NPHP4: variants seen among roughly 807,000 people sequenced by gnomAD.
NPHP4 encodes nephrocystin-4.
A neutral mutation model predicts 155.8 loss-of-function variants in NPHP4; 151 were observed. That is an observed-to-expected ratio of 0.97 (90% confidence interval 0.85 to 1.11). NPHP4 has a LOEUF of 1.11. Ranked by LOEUF, NPHP4 falls within the 50% of genes least tolerant of loss-of-function variation. The pLI is 0.00. For missense variants in NPHP4, 1,956 were observed against 1,925.7 expected (o/e 1.02, Z -0.29); for synonymous variants, 845 against 816.8 (o/e 1.03, Z -0.59).
intron 19 of NPHP4, chr1:5,879,683 C>T (rs1390950109): frequency 2.4e-5 from 12 of 497,344 alleles, no homozygotes; most frequent in Admixed American, 8.4e-5. Flanking sequence ...GCCTGTGGGT[C>T]CACAGGGGCA....
intron 3 of NPHP4, among the ~76,000 whole-genome samples, chr1:5,971,987 G>A (rs1318979210): frequency 1.3e-5 from 2 of 152,192 alleles, no homozygotes; most frequent in South Asian, 2.1e-4. Context: ...TCAAAAACAC[G>A]GACACCATTT....
chr1:5,882,357 T>C lies in NPHP4; in HGVS notation c.2486-2118A>G, dbSNP rs1162002465. ...ACCCAGCCATCTCTCAGTGACGCGCTTACCCAGCCATCTCTCAGTGGTGCG... is the reference window on the plus strand; with the variant it reads ...ACCCAGCCATCTCTCAGTGACGCGCCTACCCAGCCATCTCTCAGTGGTGCG... On this transcript the variant is annotated intron_variant, in intron 18 of 29. Coordinates refer to ENST00000378156, the MANE Select transcript of NPHP4 (RefSeq NM_015102.5). The surrounding 1 kb of genome is among the most constrained non-coding windows in gnomAD (Gnocchi z 5.1). The C allele has an allele frequency of 6.6e-6, 1 of 152,192 alleles. No individual in the cohort carries two copies. Among genetic ancestry groups the C allele is most frequent in the African/African-American group, 2.4e-5 (1 of 41,326 alleles). The allele number at this position is 152,192 out of a possible 1,614,324, so 9.4% of individuals were successfully genotyped here.
chr1:5,896,536 T>C (rs1001847472), intron 16 of NPHP4, among the ~76,000 whole-genome samples: 1 of 152,142 alleles, frequency 6.6e-6, no homozygotes, highest in African/African-American at 2.4e-5. Context: ...TTAGGCAAGA[T>C]AAATAAGTAA....
chr1:5,977,640 G>A (rs1273410702), intron 3 of NPHP4, among the ~76,000 whole-genome samples: 2 of 151,094 alleles, frequency 1.3e-5, no homozygotes, highest in East Asian at 4.2e-4. Flanking sequence ...TGGAATGTAT[G>A]CTGTGCAGTG....
chr1:5,947,557 G>A (rs572883150), intron 8 of NPHP4, among the ~76,000 whole-genome samples: 21 of 152,152 alleles, frequency 1.4e-4, no homozygotes, highest in Admixed American at 3.3e-4. Context: ...GGCCTGATAC[G>A]GCCAAGTTAC....
chr1:5,961,842 A>T lies in NPHP4; in HGVS notation c.625T>A (p.Ser209Thr), dbSNP rs776658669. ...FHLLPENLLV[S>T]GLQQIPGLLP... Reference sequence around the variant, plus strand: ...AGGCCAGGTATCTGCTGCAGACCAGACACCAGAAGGTTCTCAGGAAGAAGG... The same window carrying T: ...AGGCCAGGTATCTGCTGCAGACCAGTCACCAGAAGGTTCTCAGGAAGAAGG... Residue 209 changes from serine (S) to threonine (T), a missense_variant, in exon 6 of 30, where the codon TCT (serine) becomes ACT (threonine). Physicochemically the swap from Ser to Thr is moderately conservative, Grantham distance 58. Coordinates refer to ENST00000378156, the MANE Select transcript of NPHP4 (RefSeq NM_015102.5). 4 of 1,613,728 alleles carry T rather than the reference A, an allele frequency of 2.5e-6. No individual in the cohort carries two copies. The East Asian group carries it at 8.9e-5, about 36-fold the overall frequency.
intron 2 of NPHP4, among the ~76,000 whole-genome samples, chr1:5,984,562 G>A (rs1440862467): frequency 6.6e-6 from 1 of 152,018 alleles, no homozygotes; most frequent in African/African-American, 2.4e-5. Context: ...GGTACAGAAC[G>A]GAATACAGGA....
chr1:5,865,558 C>A, intron 26 of NPHP4: 1 of 368,642 alleles, frequency 2.7e-6, no homozygotes, highest in Non-Finnish European at 4.9e-6. Flanking sequence ...AACCACATGT[C>A]AAACAAATGA....
At chr1:5,934,245 C>T (rs796095310) in intron 9 of NPHP4, among the ~76,000 whole-genome samples, 7 of 152,166 alleles carry the variant, frequency 4.6e-5, no homozygotes, top group African/African-American at 1.7e-4. Flanking sequence ...ACCAGGAAGC[C>T]GATTAGCCAG....
intron 10 of NPHP4, among the ~76,000 whole-genome samples, chr1:5,928,917 A>C (rs1345377239): frequency 6.6e-6 from 1 of 152,220 alleles, no homozygotes; most frequent in Non-Finnish European, 1.5e-5. Flanking sequence ...TAAACATGTT[A>C]CGTCTCTCCA....
At chr1:5,978,232 G>A (rs371980759) in intron 3 of NPHP4, 38 bp downstream of exon 3, 225 of 1,582,536 alleles carry the variant, frequency 1.4e-4, no homozygotes, top group Middle Eastern at 1.0e-3. Flanking sequence ...CACACCCTCC[G>A]CCTTGGAGCA....
In NPHP4 at chr1:5,877,175, C is replaced by T. The variant is rs778343959; in HGVS notation, c.2735G>A (p.Arg912His). The change falls in exon 20 of 30, where the codon CGC becomes CAC. Residue 912 changes from arginine (R) to histidine (H), a missense_variant. Coordinates refer to ENST00000378156, the MANE Select transcript of NPHP4 (RefSeq NM_015102.5). The stretch of plus-strand genomic sequence containing the variant: ...CCTCATCCGCTCCAGCTTACGCCTG[C>T]GGGTGGCATCCGACTCGCGGCTGAC... ...QDVSRESDAT[R>H]RRKLERMRSV... 1.1e-5 allele frequency: 17 copies of T among 1,605,426 alleles called. No homozygotes were observed. Among genetic ancestry groups the T allele is most frequent in the Middle Eastern group, 1.7e-4 (1 of 6,028 alleles).
intron 16 of NPHP4, among the ~76,000 whole-genome samples, chr1:5,898,843 GCA>G (rs146386955): frequency 6.7e-5 from 10 of 149,350 alleles, no homozygotes; most frequent in Non-Finnish European, 9.0e-5. Flanking sequence ...ACCCACACAT[GCA>G]CACACACACA....
At chr1:5,964,036 A>G (rs1650877115) in intron 5 of NPHP4, among the ~76,000 whole-genome samples, 1 of 152,210 alleles carries the variant, frequency 6.6e-6, no homozygotes, top group Admixed American at 6.5e-5. Context: ...AGGTCTATTC[A>G]ATCAATCATG....
Position 5,935,914 on chromosome 1 carries a change from A to C in NPHP4, c.1120-2585T>G, listed in dbSNP as rs144450827. On this transcript the variant is annotated intron_variant, in intron 9 of 29. Coordinates refer to ENST00000378156, the MANE Select transcript of NPHP4 (RefSeq NM_015102.5). ...CAAATTACTATAAATGTATTAGGAA[A>C]ACTTGTCACTATAAGGATTCAACAA... 4.5e-3 allele frequency among the ~76,000 whole-genome samples: 689 copies of C among 152,286 alleles called. 4 individuals are homozygous for C. The highest frequency in any genetic ancestry group is 5.2e-3 in the Non-Finnish European group (353 of 68,024).
At chr1:5,888,329 C>T (rs1459156630) in intron 17 of NPHP4, 8 of 1,058,742 alleles carry the variant, frequency 7.6e-6, no homozygotes, top group Non-Finnish European at 9.2e-6. Flanking sequence ...CACTCTTCCC[C>T]CGTGCCCTCT....
In NPHP4 at chr1:5,948,181, C is replaced by A. The variant is rs751708185; in HGVS notation, c.881G>T (p.Gly294Val). ...CTGCGGCCTCTGCACGAAGCCCAGACCATTGTGCACGCCCACACGCAGGCG... is the reference window on the plus strand; with the variant it reads ...CTGCGGCCTCTGCACGAAGCCCAGAACATTGTGCACGCCCACACGCAGGCG... ...ERRLRVGVHN[G>V]LGFVQRPQVV... The change falls in exon 8 of 30, where the codon GGT becomes GTT. Residue 294 changes from glycine (G) to valine (V), a missense_variant. Physicochemically the swap from Gly to Val is moderately radical, Grantham distance 109. Coordinates refer to ENST00000378156, the MANE Select transcript of NPHP4 (RefSeq NM_015102.5). 29 of 1,612,134 alleles carry A rather than the reference C, an allele frequency of 1.8e-5. No homozygotes were observed. The highest frequency in any genetic ancestry group is 2.5e-5 in the Non-Finnish European group (29 of 1,179,460).
intron 9 of NPHP4, among the ~76,000 whole-genome samples, chr1:5,939,730 C>A (rs903032618): frequency 3.9e-5 from 6 of 152,222 alleles, no homozygotes; most frequent in Non-Finnish European, 8.8e-5. Context: ...AAATCCCATT[C>A]CCCCATGCCA....
intron 23 of NPHP4, among the ~76,000 whole-genome samples, chr1:5,868,911 C>T (rs1348890925): frequency 2.7e-5 from 4 of 148,542 alleles, no homozygotes; most frequent in Non-Finnish European, 4.5e-5. Flanking sequence ...CATGCATGCA[C>T]CCACACATGT....
Sources: allele counts gnomAD v4.1 joint callset (sites outside exome capture counted in the v4.1 genomes callset), GRCh38; gene constraint gnomAD v4.1.1; non-coding constraint Gnocchi (gnomAD v3.1); transcripts MANE v1.5; gene names NCBI Gene and HGNC (gene_info 2026-07-23, HGNC 2026-07-21).